Variants in LANCL3 observed in about 807,000 individuals in gnomAD.
The protein encoded by LANCL3 is LanC like family member 3, also known as lanC-like protein 3.
Under a neutral mutation model 26.5 loss-of-function variants are expected in LANCL3, and 19 were observed. That is an observed-to-expected ratio of 0.72 (90% CI 0.50 to 1.05). The LOEUF (loss-of-function observed/expected upper bound fraction) is 1.05. Among genes scored for constraint, LANCL3 ranks in the 50% least tolerant of loss-of-function variants. The pLI is 0.00. For synonymous variants in LANCL3, 160 were observed against 166.6 expected (o/e 0.96, Z 0.30); for missense variants, 318 against 362.7 (o/e 0.88, Z 1.00).
At chrX:37,656,229 G>A (rs1556430784) in intron 2 of LANCL3, among the ~76,000 whole-genome samples, 1 of 108,804 alleles carries the variant, frequency 9.2e-6, no homozygotes, top group Non-Finnish European at 1.9e-5. Context: ...AATGGCTAAT[G>A]GTGAGCTCTG....
At chrX:37,654,451 T>A (rs1307843034) in intron 1 of LANCL3, among the ~76,000 whole-genome samples, 1 of 112,314 alleles carries the variant, frequency 8.9e-6, no homozygotes, top group East Asian at 2.8e-4. Flanking sequence ...TAAACTTAGA[T>A]GTTTTTTAGT....
At chrX:37,655,847 A>G (rs1270537890) in intron 2 of LANCL3, 36 bp downstream of exon 2, 2 of 1,174,510 alleles carry the variant, frequency 1.7e-6, no homozygotes, top group Non-Finnish European at 2.3e-6. Flanking sequence ...TGTAGGAAGG[A>G]GAAAGTCTCT....
intron 1 of LANCL3, among the ~76,000 whole-genome samples, chrX:37,600,686 C>G (rs868916225): frequency 7.1e-5 from 8 of 112,011 alleles, no homozygotes; most frequent in African/African-American, 2.6e-4. Flanking sequence ...TTCAGTACTT[C>G]TCAAACTTTC....
rs1451509968 is a variant in LANCL3, at chrX:37,650,887, AC to A, written c.574-4797del. 1.5e-4 allele frequency among the ~76,000 whole-genome samples: 3 copies of A among 20,578 alleles called. No individual in the cohort carries two copies. The East Asian group carries it at 5.9e-3, about 41-fold the overall frequency. The allele number at this position is 20,578 out of a possible 115,157, so 17.9% of individuals were successfully genotyped here. A position where few individuals can be genotyped will look rare whatever the true frequency, so the allele number is the denominator to read the frequency against. On this transcript the variant is annotated intron_variant, in intron 1 of 4. Transcript: ENST00000378619. ...AATGCTATCCCTCCTCCCTCCCCCC[AC>A]CCCACGACAGGCCCCAGTGTGTGAT... is the stretch of plus-strand genomic sequence containing the variant.
rs182708846 is a variant in LANCL3 at position 37,584,654 on chromosome X, C to T, written c.573+12211C>T. 1.2e-4 allele frequency among the ~76,000 whole-genome samples: 13 copies of T among 111,437 alleles called. No individual in the cohort carries two copies. In the East Asian group the frequency reaches 1.7e-3, roughly 14 times the overall value. On this transcript the variant is annotated intron_variant, in intron 1 of 4. Transcript: ENST00000378619. ...ATGGTAGTTTGTATTTCTGTGGGATCGGTGGTGATATCCCCTTTATCATTT... is the reference window on the plus strand; with the variant it reads ...ATGGTAGTTTGTATTTCTGTGGGATTGGTGGTGATATCCCCTTTATCATTT...
At position 37,676,277 on chromosome X, in the gene LANCL3, C is replaced by T. The variant is rs1459017233; in HGVS notation, c.*464C>T. The stretch of plus-strand genomic sequence containing the variant: ...AAAACTGCTATGAGGAATGGATTGT[C>T]AGGTTGCTGAAGTATAAAAATAAAC... On this transcript the variant is annotated 3_prime_UTR_variant, in exon 5 of 5. Transcript: ENST00000378619. 4 of 112,103 alleles carry T rather than the reference C, an allele frequency of 3.6e-5. No individual in the cohort carries two copies. Among genetic ancestry groups the T allele is most frequent in the African/African-American group, 1.3e-4 (4 of 30,874 alleles). The allele number at this position is 112,103 out of a possible 1,213,427, so 9.2% of individuals were successfully genotyped here.
rs1053517623 is a variant in LANCL3, at chrX:37,676,350, G to A, written c.*537G>A. 1 of 112,023 alleles carries A rather than the reference G, an allele frequency of 8.9e-6. No homozygotes were observed. Among genetic ancestry groups the A allele is most frequent in the African/African-American group, 3.2e-5 (1 of 30,894 alleles). The allele number at this position is 112,023 out of a possible 1,213,427, so 9.2% of individuals were successfully genotyped here. On this transcript the variant is annotated 3_prime_UTR_variant, in exon 5 of 5. Coordinates refer to ENST00000378619, the MANE Select transcript of LANCL3 (RefSeq NM_001170331.2). ...CTTATTGAAATTTATGGTTTTTACT[G>A]AGCAAAGATATTTGCATATGAATCT...
At chrX:37,602,983 G>A (rs1644107631) in intron 1 of LANCL3, among the ~76,000 whole-genome samples, 1 of 111,630 alleles carries the variant, frequency 9.0e-6, no homozygotes. Context: ...TTTAGAATTT[G>A]GGGAGAAAAG....
rs1556437689 is a variant in LANCL3 at position 37,677,303 on chromosome X, G to C, written c.*1490G>C. On this transcript the variant is annotated 3_prime_UTR_variant, in exon 5 of 5. Coordinates refer to ENST00000378619, the MANE Select transcript of LANCL3 (RefSeq NM_001170331.2). ...GCCTAAAAAGCAAACCTACAAGTAT[G>C]TTGGTGTGTGTATGTGTATGGACCA... The C allele has an allele frequency of 9.1e-6, 1 of 110,135 alleles. No individual in the cohort carries two copies. The highest frequency in any genetic ancestry group is 1.9e-5 in the Non-Finnish European group (1 of 52,668). The allele number at this position is 110,135 out of a possible 1,213,427, so 9.1% of individuals were successfully genotyped here.
chrX:37,625,533 A>C, intron 1 of LANCL3, among the ~76,000 whole-genome samples: 1 of 111,302 alleles, frequency 9.0e-6, no homozygotes, highest in Non-Finnish European at 1.9e-5. Flanking sequence ...GGAGCCTCAC[A>C]ACACTGGAAT....
rs1451316947 is a variant in LANCL3 at position 37,683,927 on chromosome X, G to T, written c.*8114G>T. ...TTAATCTTTAGTCAAAACCCATTGA[G>T]GTGTCTGACAGGGAAATTAGCAATC... On this transcript the variant is annotated 3_prime_UTR_variant, in exon 5 of 5. Transcript: ENST00000378619. 9.0e-6 allele frequency: 1 copy of T among 111,711 alleles called. No individual in the cohort carries two copies. The highest frequency in any genetic ancestry group is 3.3e-5 in the African/African-American group (1 of 30,749). The allele number at this position is 111,711 out of a possible 1,213,427, so 9.2% of individuals were successfully genotyped here.
chrX:37,649,672 G>C (rs1380915532), intron 1 of LANCL3, among the ~76,000 whole-genome samples: 1 of 111,714 alleles, frequency 9.0e-6, no homozygotes, highest in Non-Finnish European at 1.9e-5. Context: ...ATTTCTATCA[G>C]GATACCTTTA....
intron 3 of LANCL3, among the ~76,000 whole-genome samples, chrX:37,663,481 T>A (rs1403046771): frequency 9.0e-6 from 1 of 111,334 alleles, no homozygotes; most frequent in East Asian, 2.8e-4. Context: ...TCTACTGAAG[T>A]GAAAAGTTTC....
intron 1 of LANCL3, among the ~76,000 whole-genome samples, chrX:37,575,986 A>G (rs1245025237): frequency 8.9e-6 from 1 of 112,144 alleles, no homozygotes; most frequent in African/African-American, 3.2e-5. Context: ...AAAATCGTCA[A>G]AATATGTCAT....
At chrX:37,652,523 C>G (rs974892640) in intron 1 of LANCL3, among the ~76,000 whole-genome samples, 1 of 112,186 alleles carries the variant, frequency 8.9e-6, no homozygotes, top group African/African-American at 3.2e-5. Context: ...TTTGAAATAT[C>G]TTAATTTATT....
intron 1 of LANCL3, among the ~76,000 whole-genome samples, chrX:37,635,569 C>T (rs1357267637): frequency 2.7e-5 from 3 of 110,834 alleles, no homozygotes; most frequent in Non-Finnish European, 5.7e-5. Context: ...TCCCCACCTT[C>T]CCCTTCCCCT....
intron 1 of LANCL3, among the ~76,000 whole-genome samples, chrX:37,597,547 C>T (rs1924464791): frequency 9.0e-6 from 1 of 110,529 alleles, no homozygotes; most frequent in African/African-American, 3.3e-5. Flanking sequence ...AGGTCTGCCT[C>T]TGTCACCAAG....
chrX:37,589,807 C>T (rs1924220558), intron 1 of LANCL3, among the ~76,000 whole-genome samples: 2 of 111,359 alleles, frequency 1.8e-5, no homozygotes, highest in Middle Eastern at 4.6e-3. Flanking sequence ...GCTGCTATGT[C>T]CTGGATGGCA....
intron 1 of LANCL3, among the ~76,000 whole-genome samples, chrX:37,579,443 G>A (rs1411056402): frequency 8.9e-6 from 1 of 111,810 alleles, no homozygotes; most frequent in African/African-American, 3.3e-5. Context: ...AAGTGACCAT[G>A]GGGCAGGTGG....
Sources: allele counts gnomAD v4.1 joint callset (sites outside exome capture counted in the v4.1 genomes callset), GRCh38; gene constraint gnomAD v4.1.1; transcripts MANE v1.5; gene names NCBI Gene and HGNC (gene_info 2026-07-23, HGNC 2026-07-21).